Variants in PRKCE observed in about 807,000 individuals in gnomAD.
The protein encoded by PRKCE is protein kinase C epsilon, also known as protein kinase C epsilon type.
PRKCE carries 16 observed loss-of-function variants against 85.4 expected under a neutral mutation model. That is an observed-to-expected ratio of 0.19 (90% confidence interval 0.13 to 0.28). The LOEUF (loss-of-function observed/expected upper bound fraction) is 0.28, where lower values mean the gene tolerates loss of function less well. Ranked by LOEUF, PRKCE falls within the 10% of genes least tolerant of loss-of-function variation. PRKCE has a pLI of 1.00. For synonymous variants in PRKCE, 388 were observed against 371.5 expected, an observed-to-expected ratio of 1.04 and a Z score of -0.51; for missense variants, 573 against 975.2, an observed-to-expected ratio of 0.59 and a Z score of 5.49.
intron 2 of PRKCE, among the ~76,000 whole-genome samples, chr2:45,891,068 G>C (rs1260021839): frequency 6.6e-6 from 1 of 152,310 alleles, no homozygotes; most frequent in East Asian, 1.9e-4. Flanking sequence ...TAGATATTGG[G>C]TTGGGTTTGA....
chr2:45,952,822 G>A (rs1322389583), intron 2 of PRKCE, among the ~76,000 whole-genome samples: 3 of 152,156 alleles, frequency 2.0e-5, no homozygotes, highest in Admixed American at 1.3e-4. Flanking sequence ...AGGCTATTAT[G>A]TGCCATGTCA....
intron 2 of PRKCE, among the ~76,000 whole-genome samples, chr2:45,879,646 C>T (rs1047074910): frequency 6.6e-6 from 1 of 152,204 alleles, no homozygotes; most frequent in African/African-American, 2.4e-5. Context: ...AGCACTTGCT[C>T]TGGCTCATGA....
At chr2:45,873,879 G>A (rs1310736568) in intron 2 of PRKCE, among the ~76,000 whole-genome samples, 3 of 152,258 alleles carry the variant, frequency 2.0e-5, no homozygotes, top group African/African-American at 7.2e-5. Flanking sequence ...TGAGTCTCTT[G>A]TCTTGGCATT....
chr2:45,902,964 A>G (rs72802808), intron 2 of PRKCE, among the ~76,000 whole-genome samples: 4,843 of 152,282 alleles, frequency 0.032, 102 homozygotes, highest in Middle Eastern at 0.071. Flanking sequence ...GGGCATATAT[A>G]GCATACAACT....
At chr2:46,064,465 T>G (rs976596044) in intron 10 of PRKCE, among the ~76,000 whole-genome samples, 15 of 152,314 alleles carry the variant, frequency 9.8e-5, no homozygotes, top group African/African-American at 3.6e-4. Context: ...ATGGTTTCTT[T>G]AATAAATGAT....
At chr2:45,854,337 C>G (rs943632066) in intron 2 of PRKCE, among the ~76,000 whole-genome samples, 1 of 152,254 alleles carries the variant, frequency 6.6e-6, no homozygotes, top group East Asian at 1.9e-4. Context: ...AGACAGATCA[C>G]CAAAACCCAG....
At chr2:45,727,723 C>T (rs997298475) in intron 1 of PRKCE, among the ~76,000 whole-genome samples, 14 of 152,138 alleles carry the variant, frequency 9.2e-5, no homozygotes, top group African/African-American at 2.4e-4. Flanking sequence ...GGTGCGATCT[C>T]GGCTCACTGT....
intron 11 of PRKCE, among the ~76,000 whole-genome samples, chr2:46,125,589 T>C (rs1464481731): frequency 1.3e-5 from 2 of 152,208 alleles, no homozygotes; most frequent in Non-Finnish European, 1.5e-5. Context: ...AACTGGTCAT[T>C]GACTTCATCT....
At chr2:45,681,573 C>A (rs925481967) in intron 1 of PRKCE, among the ~76,000 whole-genome samples, 1 of 152,188 alleles carries the variant, frequency 6.6e-6, no homozygotes, top group Non-Finnish European at 1.5e-5. Context: ...TGATTAATGT[C>A]CCACTTGACT....
At chr2:45,809,755 C>T (rs1369550427) in intron 1 of PRKCE, among the ~76,000 whole-genome samples, 4 of 151,484 alleles carry the variant, frequency 2.6e-5, no homozygotes, top group South Asian at 2.1e-4. Flanking sequence ...TGGTGCATGC[C>T]TGTAATCCCA....
At chr2:45,813,475 G>C (rs1413907496) in intron 1 of PRKCE, among the ~76,000 whole-genome samples, 1 of 152,212 alleles carries the variant, frequency 6.6e-6, no homozygotes, top group African/African-American at 2.4e-5. Flanking sequence ...GGGGGCTGTA[G>C]TTTGTTATCC....
intron 10 of PRKCE, among the ~76,000 whole-genome samples, chr2:46,061,400 G>A (rs1337789262): frequency 6.6e-6 from 1 of 151,322 alleles, no homozygotes; most frequent in Non-Finnish European, 1.5e-5. Flanking sequence ...CGTGAGCCAT[G>A]GTGCCTGGCC....
chr2:45,709,230 G>A (rs1053177808), intron 1 of PRKCE, among the ~76,000 whole-genome samples: 1 of 152,210 alleles, frequency 6.6e-6, no homozygotes, highest in African/African-American at 2.4e-5. Flanking sequence ...GAGCACCCTG[G>A]GCTGGGGCCA....
chr2:46,119,147 G>T (rs17034576), intron 11 of PRKCE, among the ~76,000 whole-genome samples: 4,555 of 152,076 alleles, frequency 0.03, 128 homozygotes, highest in East Asian at 0.11. Flanking sequence ...TTTTTCTCTA[G>T]TCTTGACCTA....
intron 10 of PRKCE, among the ~76,000 whole-genome samples, chr2:46,057,596 G>A (rs1210475894): frequency 6.6e-6 from 1 of 151,998 alleles, no homozygotes; most frequent in African/African-American, 2.4e-5. Context: ...ACCATGCCCG[G>A]CTGATTTTTG....
intron 11 of PRKCE, among the ~76,000 whole-genome samples, chr2:46,113,775 A>C (rs549113314): frequency 6.0e-4 from 92 of 152,218 alleles, no homozygotes; most frequent in Non-Finnish European, 9.9e-4. Flanking sequence ...TGAGGGATGA[A>C]TGTAACAGGG....
chr2:45,856,757 A>G (rs1692714225), intron 2 of PRKCE, among the ~76,000 whole-genome samples: 1 of 152,062 alleles, frequency 6.6e-6, no homozygotes, highest in Admixed American at 6.5e-5. Flanking sequence ...CTCTTCTTCT[A>G]TGAGATCAAC....
At chr2:45,869,763 A>AGTGGCAT (rs2105739199) in intron 2 of PRKCE, among the ~76,000 whole-genome samples, 1 of 130,120 alleles carries the variant, frequency 7.7e-6, no homozygotes, top group Admixed American at 9.9e-5. Context: ...GCTGGAGTGC[A>AGTGGCAT]GTGGCATGAT....
chr2:45,945,077 C>G (rs985034802), intron 2 of PRKCE, among the ~76,000 whole-genome samples: 2 of 152,046 alleles, frequency 1.3e-5, no homozygotes, highest in African/African-American at 4.8e-5. Flanking sequence ...GGCAGGGAAA[C>G]GATGGCCACA....
Sources: gnomAD v4.1 joint callset for allele counts (sites outside exome capture counted in the v4.1 genomes callset) on GRCh38, gnomAD v4.1.1 for gene constraint, MANE v1.5 for transcripts, NCBI Gene and HGNC (gene_info 2026-07-23, HGNC 2026-07-21) for gene names.